FOXN2: variants seen among roughly 807,000 people sequenced by gnomAD.
FOXN2 encodes the protein forkhead box protein N2.
FOXN2 carries 19 observed loss-of-function variants against 41.2 expected under a neutral mutation model. The observed-to-expected ratio is 0.46, with a 90% CI of 0.32 to 0.68. FOXN2 has a LOEUF of 0.68. Ranked by LOEUF, FOXN2 falls within the 30% of genes least tolerant of loss-of-function variation. The pLI is 0.03. For missense variants in FOXN2, 587 were observed against 509.4 expected, an observed-to-expected ratio of 1.15 and a Z score of -1.47; for synonymous variants, 195 against 176.8, an observed-to-expected ratio of 1.10 and a Z score of -0.82.
intron 1 of FOXN2, among the ~76,000 whole-genome samples, chr2:48,327,602 C>A (rs1342767471): frequency 1.3e-5 from 2 of 152,060 alleles, no homozygotes; most frequent in Non-Finnish European, 2.9e-5. Flanking sequence ...TGTGCCACCA[C>A]GCCCAGCTAA....
intron 1 of FOXN2, among the ~76,000 whole-genome samples, chr2:48,326,335 C>G (rs935572034): frequency 2.0e-5 from 3 of 149,070 alleles, no homozygotes; most frequent in African/African-American, 7.4e-5. Flanking sequence ...AAAAATGTGA[C>G]CTGAAAGGTT....
At chr2:48,343,340 C>T (rs771490692) in intron 2 of FOXN2, among the ~76,000 whole-genome samples, 2 of 152,098 alleles carry the variant, frequency 1.3e-5, no homozygotes, top group African/African-American at 2.4e-5. Flanking sequence ...GCAGTTAGTG[C>T]ACCTTTTTGC....
chr2:48,341,988 T>G (rs949079630), intron 2 of FOXN2, among the ~76,000 whole-genome samples: 4 of 152,198 alleles, frequency 2.6e-5, no homozygotes, highest in Admixed American at 6.5e-5. Context: ...CCATGACCTT[T>G]TTAAGATTTG....
At chr2:48,349,818 A>G (rs527683832) in intron 3 of FOXN2, among the ~76,000 whole-genome samples, 2 of 152,256 alleles carry the variant, frequency 1.3e-5, no homozygotes, top group Non-Finnish European at 2.9e-5. Flanking sequence ...GATGTAACAT[A>G]TGAACTCTTA....
intron 1 of FOXN2, among the ~76,000 whole-genome samples, chr2:48,320,527 T>G (rs1455090789): frequency 1.3e-5 from 2 of 152,036 alleles, no homozygotes; most frequent in Non-Finnish European, 2.9e-5. Context: ...TGACCTCAAG[T>G]GATCTGCCCA....
At position 48,375,004 on chromosome 2, in the gene FOXN2, T is replaced by C. The variant is rs1183814479; in HGVS notation, c.857T>C (p.Leu286Ser). The C allele has an allele frequency of 6.2e-7, 1 of 1,614,058 alleles. No homozygotes were observed. The highest frequency in any genetic ancestry group is 2.2e-5 in the East Asian group (1 of 44,874). The change falls in exon 7 of 7, where the codon TTA (leucine) becomes TCA (serine). Residue 286 changes from leucine (L) to serine (S), a missense_variant. Physicochemically the swap from Leu to Ser is moderately radical, Grantham distance 145. Transcript: ENST00000340553. Reference protein sequence around the residue: ...NAFHHPSAVRLQESDSLATSI... With the variant: ...NAFHHPSAVRSQESDSLATSI... The stretch of plus-strand genomic sequence containing the variant: ...TTTCATCATCCCAGTGCTGTACGAT[T>C]ACAAGAGAGTGATTCTTTAGCCACC...
In FOXN2 at chr2:48,346,558, A is replaced by G. The variant is rs780862786; in HGVS notation, c.344A>G (p.Tyr115Cys). ...EKKSATSKPP[Y>C]SFSLLIYMAI... ...AAATCAGCGACTTCAAAGCCCCCAT[A>G]CTCCTTTAGTCTTCTCATTTATATG... The change falls in exon 3 of 7, where the codon TAC becomes TGC. Residue 115 changes from tyrosine (Y) to cysteine (C), a missense_variant. By Grantham distance (194) the Tyr-to-Cys change is radical. Transcript: ENST00000340553. 3 of 1,613,196 alleles carry G rather than the reference A, an allele frequency of 1.9e-6. No homozygotes were observed. Among genetic ancestry groups the G allele is most frequent in the Non-Finnish European group, 1.7e-6 (2 of 1,179,814 alleles).
At chr2:48,343,469 C>T (rs991227979) in intron 2 of FOXN2, among the ~76,000 whole-genome samples, 1 of 152,138 alleles carries the variant, frequency 6.6e-6, no homozygotes, top group East Asian at 1.9e-4. Context: ...GTAAAAAACT[C>T]TTATCCCAGC....
At chr2:48,351,687 A>C (rs960813940) in intron 3 of FOXN2, among the ~76,000 whole-genome samples, 4 of 152,108 alleles carry the variant, frequency 2.6e-5, no homozygotes, top group Admixed American at 6.5e-5. Flanking sequence ...AATCTAATGC[A>C]TGGGCTGATC....
intron 4 of FOXN2, among the ~76,000 whole-genome samples, chr2:48,360,385 G>T (rs1672093390): frequency 6.6e-6 from 1 of 152,166 alleles, no homozygotes. Flanking sequence ...TAGAGAGAAA[G>T]TTATAATGAA....
chr2:48,319,804 T>C (rs1316263369), intron 1 of FOXN2, among the ~76,000 whole-genome samples: 1 of 144,514 alleles, frequency 6.9e-6, no homozygotes, highest in Non-Finnish European at 1.5e-5. Flanking sequence ...TTTTTTTTTT[T>C]TTTTTTTGGT....
rs888693659 is a variant in FOXN2, at chr2:48,378,655, T to C, written c.*3212T>C. Reference sequence around the variant, plus strand: ...TTATCTAAGAAACTGTGAGGCTTTCTGGTTTACATATATCTTACAGGTGTT... The same window carrying C: ...TTATCTAAGAAACTGTGAGGCTTTCCGGTTTACATATATCTTACAGGTGTT... On this transcript the variant is annotated 3_prime_UTR_variant, in exon 7 of 7. Transcript: ENST00000340553. The C allele has an allele frequency of 6.6e-6, 1 of 152,212 alleles. No individual in the cohort carries two copies. The highest frequency in any genetic ancestry group is 2.4e-5 in the African/African-American group (1 of 41,388). The allele number at this position is 152,212 out of a possible 1,614,324, so 9.4% of individuals were successfully genotyped here.
At position 48,377,988 on chromosome 2, in the gene FOXN2, A is replaced by C. The variant is rs1673356502; in HGVS notation, c.*2545A>C. ...GTAATAAAGTCAACTTAGAAACTCC[A>C]AGGAGGTTACATGTTTTCCAACATA... On this transcript the variant is annotated 3_prime_UTR_variant, in exon 7 of 7. Transcript: ENST00000340553. 6.6e-6 allele frequency: 1 copy of C among 152,128 alleles called. No homozygotes were observed. The highest frequency in any genetic ancestry group is 1.5e-5 in the Non-Finnish European group (1 of 67,912). The allele number at this position is 152,128 out of a possible 1,614,324, so 9.4% of individuals were successfully genotyped here.
chr2:48,371,767 G>A (rs545962079), intron 5 of FOXN2, among the ~76,000 whole-genome samples: 2 of 152,088 alleles, frequency 1.3e-5, no homozygotes, highest in South Asian at 2.1e-4. Flanking sequence ...CAATTTTTTT[G>A]TAGGTATTTT....
At chr2:48,344,469 T>G (rs1156286677) in intron 2 of FOXN2, among the ~76,000 whole-genome samples, 1 of 152,234 alleles carries the variant, frequency 6.6e-6, no homozygotes, top group East Asian at 1.9e-4. Context: ...TCAGTCTGCC[T>G]GGATTTAAAT....
chr2:48,358,684 G>A (rs1389454231), intron 3 of FOXN2, among the ~76,000 whole-genome samples: 7 of 152,156 alleles, frequency 4.6e-5, no homozygotes, highest in East Asian at 1.9e-4. Context: ...TTTGATACAC[G>A]CAAAAAGGAG....
intron 3 of FOXN2, among the ~76,000 whole-genome samples, chr2:48,350,429 G>A (rs1558628701): frequency 6.6e-6 from 1 of 152,220 alleles, no homozygotes; most frequent in Non-Finnish European, 1.5e-5. Context: ...TAAATATGGG[G>A]ATAGCTAGGT....
chr2:48,336,418 A>AAATAT (rs535900555), intron 2 of FOXN2, among the ~76,000 whole-genome samples: 164 of 147,454 alleles, frequency 1.1e-3, no homozygotes, highest in East Asian at 2.8e-3. Context: ...CAAAAAAAAA[A>AAATAT]ATATATATAT....
intron 5 of FOXN2, among the ~76,000 whole-genome samples, chr2:48,368,297 A>G (rs1311800232): frequency 6.6e-6 from 1 of 152,248 alleles, no homozygotes; most frequent in African/African-American, 2.4e-5. Flanking sequence ...TTAAAATAGA[A>G]TAAAGTACTT....
Sources: gnomAD v4.1 joint callset for allele counts (sites outside exome capture counted in the v4.1 genomes callset) on GRCh38, gnomAD v4.1.1 for gene constraint, MANE v1.5 for transcripts, NCBI Gene and HGNC (gene_info 2026-07-23, HGNC 2026-07-21) for gene names.